Variants in CENPV observed in about 807,000 individuals in gnomAD.
CENPV encodes the protein centromere protein V.
A neutral mutation model predicts 26.4 loss-of-function variants in CENPV; 15 were observed. The observed-to-expected ratio is 0.57, with a 90% confidence interval of 0.38 to 0.88. The LOEUF is 0.88. CENPV is among the 40% of genes least tolerant of loss of function. The pLI, the probability that CENPV is intolerant of heterozygous loss-of-function variation, is 0.00. For missense variants in CENPV, 336 were observed against 376.5 expected, an observed-to-expected ratio of 0.89 and a Z score of 0.89; for synonymous variants, 172 against 165.5, an observed-to-expected ratio of 1.04 and a Z score of -0.30.
At position 16,344,041 on chromosome 17, in the gene CENPV, T is replaced by A. The variant is rs1350927092; in HGVS notation, c.694+556A>T. Reference sequence around the variant, plus strand: ...TTTTTTAAAAAGAACAGAGATACGGTTTTGCTATGTTTCCCAGGCTGGTCT... The same window carrying A: ...TTTTTTAAAAAGAACAGAGATACGGATTTGCTATGTTTCCCAGGCTGGTCT... On this transcript the variant is annotated intron_variant, in intron 4 of 4. Coordinates refer to ENST00000299736, the MANE Select transcript of CENPV (RefSeq NM_181716.3). Among the ~76,000 whole-genome samples, 3 of 152,016 alleles carry A rather than the reference T, an allele frequency of 2.0e-5. No individual in the cohort carries two copies. In the East Asian group the frequency reaches 5.8e-4, roughly 29 times the overall value.
intron 2 of CENPV, chr17:16,349,429 G>C: frequency 1.0e-6 from 1 of 986,072 alleles, no homozygotes; most frequent in Non-Finnish European, 1.2e-6. Context: ...CCATCATAAC[G>C]CCGGGGAAGG....
At chr17:16,343,734 C>T (rs1309191658) in intron 4 of CENPV, among the ~76,000 whole-genome samples, 9 of 152,072 alleles carry the variant, frequency 5.9e-5, no homozygotes, top group East Asian at 1.9e-4. Flanking sequence ...AATGGGGGAG[C>T]GGTAAGGATG....
chr17:16,349,448 A>T, intron 2 of CENPV: 1 of 986,358 alleles, frequency 1.0e-6, no homozygotes, highest in Non-Finnish European at 1.2e-6. Flanking sequence ...GGTGGTACAA[A>T]TCAGGCCCTC....
At position 16,344,777 on chromosome 17, in the gene CENPV, T is replaced by A. The variant is rs139635123; in HGVS notation, c.580-66A>T. 24 of 907,944 alleles carry A rather than the reference T, an allele frequency of 2.6e-5. No individual in the cohort carries two copies. The Middle Eastern group carries it at 1.1e-3, about 40-fold the overall frequency. 56.2% of individuals were successfully genotyped at this position (907,944 alleles called of 1,614,324 possible). A position where few individuals can be genotyped will look rare whatever the true frequency, so the allele number is the denominator to read the frequency against. On this transcript the variant is annotated intron_variant, in intron 3 of 4. Transcript: ENST00000299736. ...GATTTATTTATTTAATTTATTTATT[T>A]ATTTATTTATTGAGACAGAGTCTCC...
chr17:16,353,280 C>T lies in CENPV; in HGVS notation c.157G>A (p.Val53Met). 7.0e-7 allele frequency: 1 copy of T among 1,420,814 alleles called. No individual in the cohort carries two copies. The allele number at this position is 1,420,814 out of a possible 1,614,324, so 88.0% of individuals were successfully genotyped here. ...GGCTTCTCCGACGGCGGCTTCTCCA[C>T]CGCCTGGCTCTTGCTCCCGGCCTGG... ...ASQAGSKSQA[V>M]EKPPSEKPRL... Residue 53 changes from valine (V) to methionine (M), a missense_variant, in exon 1 of 5, where the codon GTG becomes ATG. Around this residue, in one of 2 missense-constraint regions of CENPV, gnomAD observed 181 missense variants for 148.8 expected, o/e 1.22. Transcript: ENST00000299736.
intron 2 of CENPV, chr17:16,348,942 C>G (rs998106484): frequency 1.6e-6 from 2 of 1,232,102 alleles, no homozygotes; most frequent in African/African-American, 3.0e-5. Flanking sequence ...GTCTGTACTG[C>G]CCACCCCTCA....
chr17:16,352,662 T>C (rs887594136), intron 1 of CENPV, among the ~76,000 whole-genome samples: 4 of 152,044 alleles, frequency 2.6e-5, no homozygotes, highest in Non-Finnish European at 4.4e-5. Context: ...GTGGGATTTA[T>C]GTTCTTTTCA....
chr17:16,347,745 G>C (rs2093213355), intron 3 of CENPV: 1 of 152,158 alleles, frequency 6.6e-6, no homozygotes, highest in South Asian at 2.1e-4. Flanking sequence ...TCGGCTGTGG[G>C]GAAGAGGGAG....
chr17:16,353,344 G>A lies in CENPV; in HGVS notation c.93C>T (p.Ala31=), dbSNP rs2093235497. ...SAAPAASAAA[A]LAPSATRTRR... The stretch of plus-strand genomic sequence containing the variant: ...GTGTGCGGGTGGCGCTGGGTGCCAA[G>A]GCAGCGGCCGCGGAGGCCGCGGGGG... Residue 31 remains alanine, a synonymous_variant, in exon 1 of 5, where the codon GCC becomes GCT. Transcript: ENST00000299736. 3.1e-6 allele frequency: 4 copies of A among 1,311,226 alleles called. No individual in the cohort carries two copies. Among genetic ancestry groups the A allele is most frequent in the Non-Finnish European group, 3.9e-6 (4 of 1,030,428 alleles). 81.2% of individuals were successfully genotyped at this position (1,311,226 alleles called of 1,614,324 possible).
At position 16,342,584 on chromosome 17, in the gene CENPV, G is replaced by A. The variant is rs751134025; in HGVS notation, c.*233C>T. The A allele has an allele frequency of 5.7e-6, 3 of 528,486 alleles. No individual in the cohort carries two copies. Among genetic ancestry groups the A allele is most frequent in the Non-Finnish European group, 1.0e-5 (3 of 297,220 alleles). 32.7% of individuals were successfully genotyped at this position (528,486 alleles called of 1,614,324 possible). On this transcript the variant is annotated 3_prime_UTR_variant, in exon 5 of 5. Transcript: ENST00000299736. ...TTTTTTCCTAAAAGATCACACAAAA[G>A]TTGGGAAGAGAAGGATGTCAATTAG...
intron 3 of CENPV, among the ~76,000 whole-genome samples, chr17:16,346,151 A>G (rs1369415613): frequency 6.6e-6 from 1 of 152,248 alleles, no homozygotes; most frequent in Non-Finnish European, 1.5e-5. Flanking sequence ...TATCAGTCAC[A>G]GGAACAGGAA....
In CENPV at chr17:16,348,697, C is replaced by T; in HGVS notation, c.510-12G>A. Reference sequence around the variant, plus strand: ...TGCAAATGCTGCAACTACAGAAAGACAGAGCAAATTCCAGATTGTGAGCAG... The same window carrying T: ...TGCAAATGCTGCAACTACAGAAAGATAGAGCAAATTCCAGATTGTGAGCAG... On this transcript the variant is annotated splice_polypyrimidine_tract_variant and intron_variant, in intron 2 of 4. Coordinates refer to ENST00000299736, the MANE Select transcript of CENPV (RefSeq NM_181716.3). 6.2e-7 allele frequency: 1 copy of T among 1,613,672 alleles called. No homozygotes were observed. The highest frequency in any genetic ancestry group is 2.2e-5 in the East Asian group (1 of 44,862).
At chr17:16,344,756 T>C (rs1326399108) in intron 3 of CENPV, 45 bp from the exon 4 acceptor site, 1 of 1,027,186 alleles carries the variant, frequency 9.7e-7, no homozygotes, top group Non-Finnish European at 1.4e-6. Flanking sequence ...CAAAGAGATT[T>C]ATTTATTTAA....
At chr17:16,348,545 A>G (rs2286666) in intron 3 of CENPV, 71 bp downstream of exon 3, 1,571,442 of 1,600,772 alleles carry the variant, frequency 0.98, 772,149 homozygotes, top group Non-Finnish European at 0.99. Flanking sequence ...GCATGCTAAC[A>G]GTTGGGTGGG....
At chr17:16,348,940 T>G in intron 2 of CENPV, 1 of 1,237,278 alleles carries the variant, frequency 8.1e-7, no homozygotes, top group Non-Finnish European at 1.0e-6. Flanking sequence ...AGGTCTGTAC[T>G]GCCCACCCCT....
At position 16,353,361 on chromosome 17, in the gene CENPV, C is replaced by T; in HGVS notation, c.76G>A (p.Ala26Thr). Residue 26 changes from alanine to threonine, a missense_variant, in exon 1 of 5, where the codon GCC becomes ACC. Physicochemically the swap from Ala to Thr is moderately conservative, Grantham distance 58 (BLOSUM62 0). This residue lies in a region of CENPV where 181 missense variants were observed against 148.8 expected (regional missense o/e 1.22). Transcript: ENST00000299736. The part of the protein sequence containing the change: ...KRSGASAAPA[A>T]SAAAALAPSA... ...GGTGCCAAGGCAGCGGCCGCGGAGG[C>T]CGCGGGGGCCGCGGAGGCCCCGGAC... 1.6e-6 allele frequency: 2 copies of T among 1,242,552 alleles called. No individual in the cohort carries two copies. The highest frequency in any genetic ancestry group is 2.0e-6 in the Non-Finnish European group (2 of 998,338). The allele number at this position is 1,242,552 out of a possible 1,614,324, so 77.0% of individuals were successfully genotyped here. A position where few individuals can be genotyped will look rare whatever the true frequency, so the allele number is the denominator to read the frequency against.
At chr17:16,344,548 T>C (rs774390536) in intron 4 of CENPV, 49 bp downstream of exon 4, 3 of 1,088,444 alleles carry the variant, frequency 2.8e-6, no homozygotes, top group Non-Finnish European at 2.6e-6. Context: ...GAGAGCACCA[T>C]GGGCCTCTCT....
chr17:16,344,767 T>C lies in CENPV; in HGVS notation c.580-56A>G, dbSNP rs2093198303. On this transcript the variant is annotated intron_variant, in intron 3 of 4. Transcript: ENST00000299736. ...TTTACAAAGAGATTTATTTATTTAA[T>C]TTATTTATTTATTTATTTATTGAGA... 5.8e-6 allele frequency: 5 copies of C among 860,206 alleles called. No homozygotes were observed. The South Asian group carries it at 1.0e-4, about 18-fold the overall frequency. The allele number at this position is 860,206 out of a possible 1,614,324, so 53.3% of individuals were successfully genotyped here.
chr17:16,352,479 C>T (rs946240168), intron 1 of CENPV, among the ~76,000 whole-genome samples: 2 of 152,090 alleles, frequency 1.3e-5, no homozygotes, highest in African/African-American at 4.8e-5. Context: ...GGATCAATAA[C>T]CTCCGCCCCC....
Sources: allele counts gnomAD v4.1 joint callset (sites outside exome capture counted in the v4.1 genomes callset), GRCh38; gene constraint gnomAD v4.1.1; regional missense constraint gnomAD v4.1.1; transcripts MANE v1.5; gene names NCBI Gene and HGNC (gene_info 2026-07-23, HGNC 2026-07-21).